ADGB: variants seen among roughly 807,000 people sequenced by gnomAD.
The protein encoded by ADGB is androglobin.
In ADGB, 172 loss-of-function variants were observed where a neutral mutation model predicts 210.5. The observed-to-expected ratio is 0.82, with a 90% CI of 0.72 to 0.93. ADGB has a LOEUF of 0.93. ADGB is among the 40% of genes least tolerant of loss of function. The probability of loss-of-function intolerance (pLI) is 0.00; values close to 1 mark genes in which losing one functional copy is unlikely to be tolerated. For synonymous variants in ADGB, 658 were observed against 662.7 expected (o/e 0.99, Z 0.11); for missense variants, 2,025 against 1,964.8 (o/e 1.03, Z -0.58).
Position 146,675,934 on chromosome 6 carries a change from C to G in ADGB, c.1088-379C>G, listed in dbSNP as rs934865417. Among the ~76,000 whole-genome samples the G allele has an allele frequency of 9.9e-5, 15 of 152,168 alleles. 1 individual carries two copies. Among genetic ancestry groups the G allele is most frequent in the African/African-American group, 3.6e-4 (15 of 41,530 alleles). ...CAAATAAGGAAAATCTGAGAGGGCT[C>G]TACATTTAGGACTTAACTTTCAGCA... On this transcript the variant is annotated intron_variant, in intron 8 of 35. Transcript: ENST00000397944.
At chr6:146,783,266 C>T (rs746420787) in intron 30 of ADGB, among the ~76,000 whole-genome samples, 5 of 151,928 alleles carry the variant, frequency 3.3e-5, no homozygotes, top group African/African-American at 4.8e-5. Flanking sequence ...GATGTCAGTA[C>T]CATTAAGAAA....
intron 13 of ADGB, among the ~76,000 whole-genome samples, chr6:146,714,369 A>G (rs749180549): frequency 2.0e-5 from 3 of 151,828 alleles, no homozygotes; most frequent in Non-Finnish European, 2.9e-5. Flanking sequence ...GGTCCTCTAA[A>G]GTTCATCACA....
chr6:146,783,599 C>A (rs557496739), intron 30 of ADGB, among the ~76,000 whole-genome samples: 9 of 152,256 alleles, frequency 5.9e-5, no homozygotes, highest in African/African-American at 2.2e-4. Context: ...AAAGTCAATT[C>A]TCACCAGAAT....
rs1337519752 is a variant in ADGB at position 146,691,421 on chromosome 6, T to TAA, written c.1486+132_1486+133insAA. On this transcript the variant is annotated intron_variant, in intron 11 of 35. Transcript: ENST00000397944. ...CTAAAGCCTATGTTTAATATATATATATATATATATATATATATATAAAAA... is the reference window on the plus strand; with the variant it reads ...CTAAAGCCTATGTTTAATATATATATAAATATATATATATATATATATAAAAA... 3 of 54,972 alleles carry TAA rather than the reference T, an allele frequency of 5.5e-5. No homozygotes were observed. The Admixed American group carries it at 8.2e-4, about 15-fold the overall frequency. The allele number at this position is 54,972 out of a possible 1,614,324, so 3.4% of individuals were successfully genotyped here.
intron 9 of ADGB, among the ~76,000 whole-genome samples, chr6:146,684,699 A>G (rs1406097693): frequency 1.3e-5 from 2 of 152,222 alleles, no homozygotes; most frequent in East Asian, 1.9e-4. Context: ...AGGTCAAATT[A>G]TTAACCAAGC....
At chr6:146,735,883 C>G (rs1452349519) in intron 22 of ADGB, among the ~76,000 whole-genome samples, 1 of 152,078 alleles carries the variant, frequency 6.6e-6, no homozygotes, top group Non-Finnish European at 1.5e-5. Flanking sequence ...AAGGTTTCTA[C>G]TCTGATGAAT....
rs1443333059 is a variant in ADGB, at chr6:146,740,539, A to C, written c.2969A>C (p.Asp990Ala). The C allele has an allele frequency of 6.4e-7, 1 of 1,550,944 alleles. No individual in the cohort carries two copies. The highest frequency in any genetic ancestry group is 2.0e-5 in the Admixed American group (1 of 50,980). Reference protein sequence around the residue: ...QDEETKIAFADYTVTYQEQPP... With the variant: ...QDEETKIAFAAYTVTYQEQPP... ...GAAGAAACTAAGATTGCTTTTGCAG[A>C]TTATACTGTGACTTATCAAGAACAG... Residue 990 changes from aspartate to alanine, a missense_variant, in exon 24 of 36, where the codon GAT (aspartate) becomes GCT (alanine). By Grantham distance (126) the Asp-to-Ala change is moderately radical. Transcript: ENST00000397944.
chr6:146,661,072 AT>A (rs1234687078), intron 5 of ADGB, among the ~76,000 whole-genome samples: 2 of 150,986 alleles, frequency 1.3e-5, no homozygotes, highest in African/African-American at 2.4e-5. Flanking sequence ...TAAAATATAC[AT>A]GCATAGCTTA....
intron 6 of ADGB, 68 bp downstream of exon 6, chr6:146,664,408 T>C: frequency 2.2e-6 from 3 of 1,394,364 alleles, no homozygotes; most frequent in Non-Finnish European, 9.4e-7. Flanking sequence ...TACATTTGTA[T>C]TGCATAATTT....
intron 1 of ADGB, among the ~76,000 whole-genome samples, chr6:146,623,083 TGTG>T (rs1780919873): frequency 6.6e-6 from 1 of 152,016 alleles, no homozygotes; most frequent in Non-Finnish European, 1.5e-5. Context: ...GCCATTACCT[TGTG>T]GTGTTAATAT....
chr6:146,703,704 G>A (rs1010089570), intron 13 of ADGB, among the ~76,000 whole-genome samples: 2 of 151,962 alleles, frequency 1.3e-5, no homozygotes, highest in East Asian at 3.9e-4. Flanking sequence ...CCATTCATCT[G>A]TGGATGGACA....
Position 146,633,940 on chromosome 6 carries a change from G to A in ADGB, c.75-1435G>A, listed in dbSNP as rs115206050. ...CAATATTTATAAGGTCTTCAGTAGT[G>A]TACAGTAATCTCCCAGGCCTTCACA... is the stretch of plus-strand genomic sequence containing the variant. On this transcript the variant is annotated intron_variant, in intron 1 of 35. Coordinates refer to ENST00000397944, the MANE Select transcript of ADGB (RefSeq NM_024694.4). Among the ~76,000 whole-genome samples, 1,130 of 152,146 alleles carry A rather than the reference G, an allele frequency of 7.4e-3. 10 individuals carry two copies. Among genetic ancestry groups the A allele is most frequent in the African/African-American group, 0.024 (1,003 of 41,502 alleles).
At chr6:146,781,236 G>A (rs947962603) in intron 29 of ADGB, among the ~76,000 whole-genome samples, 15 of 150,274 alleles carry the variant, frequency 1.0e-4, no homozygotes, top group African/African-American at 1.7e-4. Flanking sequence ...CCAGCTACTC[G>A]GGAGGCTGAG....
At chr6:146,667,453 A>G (rs569110517) in intron 7 of ADGB, among the ~76,000 whole-genome samples, 1 of 151,888 alleles carries the variant, frequency 6.6e-6, no homozygotes, top group Non-Finnish European at 1.5e-5. Context: ...GGTTTTTGTA[A>G]ATCTATATCT....
At chr6:146,630,518 G>A (rs1243281044) in intron 1 of ADGB, among the ~76,000 whole-genome samples, 1 of 151,974 alleles carries the variant, frequency 6.6e-6, no homozygotes, top group African/African-American at 2.4e-5. Context: ...GGCCAGCCTG[G>A]GCAACATAGT....
intron 13 of ADGB, among the ~76,000 whole-genome samples, chr6:146,708,644 T>C (rs1776612902): frequency 6.6e-6 from 1 of 152,154 alleles, no homozygotes; most frequent in South Asian, 2.1e-4. Context: ...CTCTTTGTCT[T>C]TGATTTTTGA....
intron 1 of ADGB, among the ~76,000 whole-genome samples, chr6:146,621,007 T>C (rs566505689): frequency 6.6e-6 from 1 of 152,166 alleles, no homozygotes; most frequent in African/African-American, 2.4e-5. Context: ...GAAGAACTTA[T>C]GTTGAGCACC....
rs1777160545 is a variant in ADGB at position 146,741,256 on chromosome 6, T to G, written c.3162T>G (p.Leu1054=). ...TGTTCCAAAAAGTGGTGCCTTATCTTTATACCAAGAATAAGGTAGGTATAA... is the reference window on the plus strand; with the variant it reads ...TGTTCCAAAAAGTGGTGCCTTATCTGTATACCAAGAATAAGGTAGGTATAA... ...PKVFQKVVPY[L]YTKNKKGYTF... The change falls in exon 25 of 36, where the codon CTT becomes CTG. Residue 1054 remains leucine (L), a synonymous_variant. Coordinates refer to ENST00000397944, the MANE Select transcript of ADGB (RefSeq NM_024694.4). 6.4e-7 allele frequency: 1 copy of G among 1,550,558 alleles called. No individual in the cohort carries two copies. The highest frequency in any genetic ancestry group is 2.0e-5 in the Admixed American group (1 of 50,810).
chr6:146,734,161 A>G, intron 22 of ADGB, 131 bp downstream of exon 22: 1 of 965,660 alleles, frequency 1.0e-6, no homozygotes, highest in South Asian at 1.8e-5. Context: ...TAATGAAATT[A>G]TTTGAAATCA....
Sources: gnomAD v4.1 joint callset for allele counts (sites outside exome capture counted in the v4.1 genomes callset) on GRCh38, gnomAD v4.1.1 for gene constraint, MANE v1.5 for transcripts, NCBI Gene and HGNC (gene_info 2026-07-23, HGNC 2026-07-21) for gene names.